The following DLC1 variants were observed in gnomAD, a reference collection of about 807,000 sequenced individuals.
The protein encoded by DLC1 is rho GTPase-activating protein 7.
A neutral mutation model predicts 140.3 loss-of-function variants in DLC1; 54 were observed. The observed-to-expected ratio is 0.38, with a 90% confidence interval of 0.31 to 0.48. The LOEUF (loss-of-function observed/expected upper bound fraction) is 0.48. Among genes scored for constraint, DLC1 ranks in the 20% least tolerant of loss-of-function variants. The pLI, the probability that DLC1 is intolerant of heterozygous loss-of-function variation, is 0.96. For synonymous variants in DLC1, 986 were observed against 728.1 expected (o/e 1.35, Z -5.70); for missense variants, 2,536 against 1,907.0 (o/e 1.33, Z -6.14).
At chr8:13,205,164 G>T (rs1013943246) in intron 5 of DLC1, among the ~76,000 whole-genome samples, 2 of 152,102 alleles carry the variant, frequency 1.3e-5, no homozygotes, top group Non-Finnish European at 2.9e-5. Flanking sequence ...GTTCATTTCA[G>T]TCTGCAGAAC....
chr8:13,353,980 T>G (rs536037239), intron 4 of DLC1, among the ~76,000 whole-genome samples: 56 of 152,100 alleles, frequency 3.7e-4, no homozygotes, highest in Non-Finnish European at 5.9e-4. Flanking sequence ...GTTCCTTCTG[T>G]GGGTCCACTG....
At chr8:13,373,027 T>C (rs1835798972) in intron 4 of DLC1, among the ~76,000 whole-genome samples, 1 of 152,120 alleles carries the variant, frequency 6.6e-6, no homozygotes, top group African/African-American at 2.4e-5. Flanking sequence ...TTTTATTTTT[T>C]ATTTTTGAGA....
intron 5 of DLC1, among the ~76,000 whole-genome samples, chr8:13,168,363 G>A (rs867784999): frequency 1.3e-5 from 2 of 152,114 alleles, no homozygotes; most frequent in Non-Finnish European, 2.9e-5. Flanking sequence ...TCTAGATCTC[G>A]TTCCAGTTGT....
chr8:13,567,565 A>G, intron 1 of DLC1: 1 of 1,551,806 alleles, frequency 6.4e-7, no homozygotes, highest in Non-Finnish European at 8.7e-7. Context: ...GGCAGCAGCT[A>G]AGCAACACAT....
intron 1 of DLC1, among the ~76,000 whole-genome samples, chr8:13,564,023 A>T (rs1804337547): frequency 6.6e-6 from 1 of 152,194 alleles, no homozygotes; most frequent in Non-Finnish European, 1.5e-5. Flanking sequence ...GGAAGTCAGA[A>T]TATAGGTAGC....
chr8:13,257,984 A>T (rs1013172228), intron 5 of DLC1, among the ~76,000 whole-genome samples: 15 of 152,380 alleles, frequency 9.8e-5, no homozygotes, highest in African/African-American at 3.4e-4. Context: ...AATAAAATAC[A>T]TGTAAGTACC....
intron 5 of DLC1, among the ~76,000 whole-genome samples, chr8:13,297,833 G>C (rs868802789): frequency 6.6e-6 from 1 of 152,134 alleles, no homozygotes; most frequent in Non-Finnish European, 1.5e-5. Context: ...ATGATGATCA[G>C]ACTGGGAACA....
In DLC1 at chr8:13,120,354, A is replaced by ATAT. The variant is rs60987681; in HGVS notation, c.1349-4698_1349-4697insATA. On this transcript the variant is annotated intron_variant, in intron 5 of 17. Coordinates refer to ENST00000276297, the MANE Select transcript of DLC1 (RefSeq NM_182643.3). ...AGAGACTCCGTCGCAAAAAAAAAAA[A>ATAT]AAATATATATATATATAAAATGTAT... 5.7e-3 allele frequency among the ~76,000 whole-genome samples: 160 copies of ATAT among 28,068 alleles called. 3 individuals carry two copies. The highest frequency in any genetic ancestry group is 0.018 in the Admixed American group (36 of 2,012). The allele number at this position is 28,068 out of a possible 152,430, so 18.4% of individuals were successfully genotyped here.
chr8:13,359,032 G>A (rs184944419), intron 4 of DLC1, among the ~76,000 whole-genome samples: 37 of 152,218 alleles, frequency 2.4e-4, no homozygotes, highest in Middle Eastern at 3.4e-3. Context: ...TCCGCGTCCC[G>A]GGTTCACGCC....
intron 2 of DLC1, among the ~76,000 whole-genome samples, chr8:13,451,061 A>AAAAAAAAAAAAAAAAAAAAAAAG (rs1563357501): frequency 1.2e-4 from 17 of 138,450 alleles, no homozygotes; most frequent in Non-Finnish European, 1.8e-4. Context: ...AAAAAAAAAA[A>AAAAAAAAAAAAAAAAAAAAAAAG]AAAAAAAGAA....
chr8:13,217,350 A>G (rs1012448453), intron 5 of DLC1, among the ~76,000 whole-genome samples: 6 of 152,178 alleles, frequency 3.9e-5, no homozygotes, highest in African/African-American at 1.4e-4. Flanking sequence ...TCAACAATTC[A>G]TGAAGGATGT....
intron 1 of DLC1, among the ~76,000 whole-genome samples, chr8:13,508,101 T>G (rs1358081702): frequency 6.6e-6 from 1 of 152,224 alleles, no homozygotes; most frequent in Non-Finnish European, 1.5e-5. Context: ...CAAGCTATTA[T>G]TTCAGCGGTG....
intron 5 of DLC1, among the ~76,000 whole-genome samples, chr8:13,123,313 C>T (rs968089181): frequency 4.0e-5 from 6 of 151,750 alleles, no homozygotes; most frequent in Non-Finnish European, 7.4e-5. Flanking sequence ...CATGCCCTGT[C>T]CCCCTGCTCC....
intron 5 of DLC1, among the ~76,000 whole-genome samples, chr8:13,251,287 C>T (rs1829993318): frequency 6.6e-6 from 1 of 152,148 alleles, no homozygotes; most frequent in South Asian, 2.1e-4. Flanking sequence ...AGAGCTTTAA[C>T]ATATAAACTG....
At chr8:13,261,278 C>G (rs149363805) in intron 5 of DLC1, among the ~76,000 whole-genome samples, 1 of 152,046 alleles carries the variant, frequency 6.6e-6, no homozygotes, top group South Asian at 2.1e-4. Flanking sequence ...AGCCATGTGA[C>G]TGTCTGGGAA....
At chr8:13,446,913 G>C (rs975432372) in intron 2 of DLC1, among the ~76,000 whole-genome samples, 2 of 150,936 alleles carry the variant, frequency 1.3e-5, no homozygotes, top group African/African-American at 4.9e-5. Flanking sequence ...TTGTACTTCA[G>C]CCTGGGTAAC....
intron 5 of DLC1, chr8:13,214,156 G>A (rs964934307): frequency 3.9e-5 from 6 of 154,820 alleles, no homozygotes; most frequent in African/African-American, 1.4e-4. Flanking sequence ...TCTTCTAAGT[G>A]AAGATTTCAA....
intron 2 of DLC1, among the ~76,000 whole-genome samples, chr8:13,457,096 G>A (rs1489058543): frequency 6.6e-6 from 1 of 152,058 alleles, no homozygotes; most frequent in African/African-American, 2.4e-5. Context: ...TCGGCCTTTT[G>A]GTTGCACTTA....
intron 2 of DLC1, among the ~76,000 whole-genome samples, chr8:13,429,767 C>A (rs1301010208): frequency 6.6e-6 from 1 of 152,142 alleles, no homozygotes; most frequent in East Asian, 1.9e-4. Flanking sequence ...CAGAAAGACA[C>A]ACAAACAAAT....
Sources: gnomAD v4.1 joint callset for allele counts (sites outside exome capture counted in the v4.1 genomes callset) on GRCh38, gnomAD v4.1.1 for gene constraint, MANE v1.5 for transcripts, NCBI Gene and HGNC (gene_info 2026-07-23, HGNC 2026-07-21) for gene names.